RNF213: variants seen among roughly 807,000 people sequenced by gnomAD.
RNF213 encodes the protein E3 ubiquitin-protein ligase RNF213.
In RNF213, 341 loss-of-function variants were observed where a neutral mutation model predicts 514.4. The ratio of observed to expected loss-of-function variants is 0.66; its 90% CI spans 0.61 to 0.73. The LOEUF (loss-of-function observed/expected upper bound fraction) is 0.73. Ranked by LOEUF, RNF213 falls within the 30% of genes least tolerant of loss-of-function variation. The pLI is 0.00. For synonymous variants in RNF213, 2,655 were observed against 2,658.2 expected, an observed-to-expected ratio of 1.00 and a Z score of 0.04; for missense variants, 5,767 against 6,615.6, an observed-to-expected ratio of 0.87 and a Z score of 4.45.
intron 11 of RNF213, among the ~76,000 whole-genome samples, chr17:80,305,898 C>T (rs1388344928): frequency 6.6e-6 from 1 of 152,090 alleles, no homozygotes; most frequent in South Asian, 2.1e-4. Context: ...GGGATTCAGG[C>T]GTGAGCCACC....
chr17:80,343,889 G>A lies in RNF213; in HGVS notation c.6216G>A (p.Lys2072=). The change falls in exon 28 of 68, where the codon AAG becomes AAA. Residue 2072 remains lysine, a synonymous_variant. Coordinates refer to ENST00000582970, the MANE Select transcript of RNF213 (RefSeq NM_001256071.3). The surrounding 1 kb of genome is among the most constrained non-coding windows in gnomAD (Gnocchi z 4.3). ...CTGGAATTTGGGTGTTTCTTTTCAAGCTCCTCATTTTACAATACTTAATGG... is the reference window on the plus strand; with the variant it reads ...CTGGAATTTGGGTGTTTCTTTTCAAACTCCTCATTTTACAATACTTAATGG... The part of the protein sequence containing the change: ...VQTGIWVFLF[K]LLILQYLMDI... 1 of 1,614,174 alleles carries A rather than the reference G, an allele frequency of 6.2e-7. No homozygotes were observed. The highest frequency in any genetic ancestry group is 8.5e-7 in the Non-Finnish European group (1 of 1,180,036).
intron 36 of RNF213, 40 bp downstream of exon 36, chr17:80,354,616 G>C: frequency 6.2e-7 from 1 of 1,612,934 alleles, no homozygotes; most frequent in Non-Finnish European, 8.5e-7. Flanking sequence ...CTCCAATCTG[G>C]TGGCAGCATG....
At chr17:80,392,781 G>C (rs1334944690) in intron 67 of RNF213, among the ~76,000 whole-genome samples, 1 of 152,078 alleles carries the variant, frequency 6.6e-6, no homozygotes, top group Non-Finnish European at 1.5e-5. Context: ...CTAGAGACAG[G>C]GTTTCTCCAT....
chr17:80,323,148 A>G (rs964580236), intron 17 of RNF213, among the ~76,000 whole-genome samples: 1 of 152,190 alleles, frequency 6.6e-6, no homozygotes, highest in South Asian at 2.1e-4. Context: ...AGGACTCTAC[A>G]TTCCCTGTTG....
intron 52 of RNF213, among the ~76,000 whole-genome samples, 166 bp downstream of exon 52, chr17:80,376,709 C>T (rs1415910814): frequency 1.3e-5 from 2 of 152,178 alleles, no homozygotes; most frequent in Non-Finnish European, 2.9e-5. Context: ...GACAGACTTG[C>T]CTTGCCCTTT....
chr17:80,355,384 A>G lies in RNF213; in HGVS notation c.10862+808A>G, dbSNP rs566858644. The G allele has an allele frequency of 6.1e-4, 213 of 347,950 alleles. 6 individuals carry two copies. Among genetic ancestry groups the G allele is most frequent in the African/African-American group, 4.3e-3 (186 of 42,980 alleles). The allele number at this position is 347,950 out of a possible 1,614,324, so 21.6% of individuals were successfully genotyped here. ...AACGGGAATGGGAGCTTACAGGGGA[A>G]GAAGCGGGGTGAATGGGAATGGGGG... On this transcript the variant is annotated intron_variant, in intron 36 of 67. Transcript: ENST00000582970.
chr17:80,371,839 TGA>T, intron 46 of RNF213, 33 bp from the exon 47 acceptor site: 2 of 1,103,012 alleles, frequency 1.8e-6, no homozygotes, highest in Middle Eastern at 2.0e-4. Flanking sequence ...TCTCCAGATC[TGA>T]GAGAACCAGG....
intron 23 of RNF213, 107 bp downstream of exon 23, chr17:80,336,485 T>C: frequency 1.1e-6 from 1 of 938,682 alleles, no homozygotes; most frequent in South Asian, 1.4e-5. Context: ...GGTAGGTTTG[T>C]ACACAGCCGT....
At chr17:80,368,416 G>A (rs1461989858) in intron 44 of RNF213, among the ~76,000 whole-genome samples, 2 of 150,546 alleles carry the variant, frequency 1.3e-5, no homozygotes, top group Non-Finnish European at 2.9e-5. Flanking sequence ...AGAGGCCCAA[G>A]GAATGTAGAC....
At chr17:80,371,360 T>C (rs932734776) in intron 46 of RNF213, among the ~76,000 whole-genome samples, 18 of 152,234 alleles carry the variant, frequency 1.2e-4, no homozygotes, top group African/African-American at 4.3e-4. Flanking sequence ...TGTTCTCCCA[T>C]ATGCTGCAGC....
Position 80,298,472 on chromosome 17 carries a change from C to CTG in RNF213, c.2165_2166dup (p.Glu723TrpfsTer14). 6.2e-7 allele frequency: 1 copy of CTG among 1,614,146 alleles called. No individual in the cohort carries two copies. The highest frequency in any genetic ancestry group is 8.5e-7 in the Non-Finnish European group (1 of 1,180,040). On this transcript the variant is annotated frameshift_variant, in exon 11 of 68. Transcript: ENST00000582970. LOFTEE classifies it high-confidence loss of function. ...ACAGCCTGAGGACACCTGGGCCGCT[C>CTG]TGGAGGGACTCTCCTTCTCACCGTT...
At position 80,376,330 on chromosome 17, in the gene RNF213, C is replaced by T. The variant is rs749463905; in HGVS notation, c.13215C>T (p.Gly4405=). The change falls in exon 52 of 68, where the codon GGC becomes GGT. Residue 4405 remains glycine, a synonymous_variant. Transcript: ENST00000582970. ...GTGAAGCTGTGAGCAAATTCATTGG[C>T]GAATGCAAGATCCTTTCACCTCCTG... ...EQCEAVSKFI[G]ECKILSPPDI... The T allele has an allele frequency of 5.0e-6, 8 of 1,614,080 alleles. No homozygotes were observed. The highest frequency in any genetic ancestry group is 2.2e-5 in the East Asian group (1 of 44,882).
intron 25 of RNF213, among the ~76,000 whole-genome samples, chr17:80,338,271 A>G (rs2078046802): frequency 6.6e-6 from 1 of 152,142 alleles, no homozygotes; most frequent in African/African-American, 2.4e-5. Flanking sequence ...CAGCCTGTCC[A>G]CCGCACTGAG....
chr17:80,367,488 T>C (rs745755036), intron 42 of RNF213, among the ~76,000 whole-genome samples: 3 of 152,200 alleles, frequency 2.0e-5, no homozygotes, highest in Non-Finnish European at 2.9e-5. Flanking sequence ...TGAAATATCT[T>C]AGTGAGAGCG....
intron 9 of RNF213, 92 bp from the exon 10 acceptor site, chr17:80,295,465 T>C: frequency 2.6e-6 from 4 of 1,527,768 alleles, no homozygotes; most frequent in Non-Finnish European, 3.6e-6. Context: ...GGATGGGGTC[T>C]GCTGCCCTAG....
intron 26 of RNF213, chr17:80,340,604 TTG>T (rs965458839): frequency 4.6e-6 from 2 of 438,462 alleles, no homozygotes; most frequent in Admixed American, 8.3e-5. Context: ...GCAGTGTACT[TTG>T]TGGTTTTTTT....
chr17:80,380,777 C>T (rs569965991), intron 55 of RNF213, 54 bp from the exon 56 acceptor site: 6 of 1,607,132 alleles, frequency 3.7e-6, no homozygotes, highest in Non-Finnish European at 4.3e-6. Flanking sequence ...GAAAGTGCAG[C>T]GTGCCAAAGC....
Position 80,372,632 on chromosome 17 carries a change from C to T in RNF213, c.12649C>T (p.Pro4217Ser). 6.2e-7 allele frequency: 1 copy of T among 1,614,064 alleles called. No individual in the cohort carries two copies. The highest frequency in any genetic ancestry group is 1.3e-5 in the African/African-American group (1 of 75,022). Reference protein sequence around the residue: ...AYSPASRGREPANEASVEYLQ... With the variant: ...AYSPASRGRESANEASVEYLQ... ...TTCTCCAGCAAGCCGGGGCCGAGAG[C>T]CTGCCAACGAGGCCTCGGTTGAATA... The change falls in exon 48 of 68, where the codon CCT becomes TCT. Residue 4217 changes from proline (P) to serine (S), a missense_variant. Physicochemically the swap from Pro to Ser is moderately conservative, Grantham distance 74. Around this residue, in one of 13 missense-constraint regions of RNF213, gnomAD observed 1,245 missense variants for 1,339.0 expected, o/e 0.93. Transcript: ENST00000582970.
chr17:80,351,664 C>CTTT, intron 31 of RNF213, 21 bp from the exon 32 acceptor site: 5 of 1,166,180 alleles, frequency 4.3e-6, no homozygotes, highest in African/African-American at 1.6e-5. Context: ...AATAGGTATT[C>CTTT]TTTTTTTTTT....
Sources: gnomAD v4.1 joint callset for allele counts (sites outside exome capture counted in the v4.1 genomes callset) on GRCh38, gnomAD v4.1.1 for gene constraint, gnomAD v4.1.1 regional missense constraint, Gnocchi (gnomAD v3.1) non-coding constraint, MANE v1.5 for transcripts, NCBI Gene and HGNC (gene_info 2026-07-23, HGNC 2026-07-21) for gene names.